The following CCSER1 variants were observed in gnomAD, a reference collection of about 807,000 sequenced individuals.
CCSER1 encodes the protein serine-rich coiled-coil domain-containing protein 1.
CCSER1 carries 41 observed loss-of-function variants against 82.0 expected under a neutral mutation model. The ratio of observed to expected loss-of-function variants is 0.50; its 90% confidence interval spans 0.39 to 0.65. The LOEUF is 0.65. Among genes scored for constraint, CCSER1 ranks in the 30% least tolerant of loss-of-function variants. The probability of loss-of-function intolerance (pLI) is 0.00; values close to 1 mark genes in which losing one functional copy is unlikely to be tolerated. For synonymous variants in CCSER1, 414 were observed against 383.9 expected (o/e 1.08, Z -0.92); for missense variants, 1,119 against 1,064.2 (o/e 1.05, Z -0.72).
At chr4:91,029,268 T>A (rs183824556) in intron 9 of CCSER1, among the ~76,000 whole-genome samples, 1 of 147,684 alleles carries the variant, frequency 6.8e-6, no homozygotes, top group African/African-American at 2.6e-5. Context: ...GTACTTATCG[T>A]TCGGTTTTTT....
chr4:90,433,011 T>G (rs191627682), intron 4 of CCSER1, among the ~76,000 whole-genome samples: 1 of 152,226 alleles, frequency 6.6e-6, no homozygotes, highest in East Asian at 1.9e-4. Flanking sequence ...TTTGATAGTT[T>G]CATCAAATCT....
chr4:91,445,372 A>G (rs1317112124), intron 10 of CCSER1, among the ~76,000 whole-genome samples: 1 of 150,256 alleles, frequency 6.7e-6, no homozygotes, highest in Non-Finnish European at 1.5e-5. Flanking sequence ...GGCCAACTAT[A>G]GTAAGAAATA....
At chr4:91,302,011 A>C (rs761916547) in intron 10 of CCSER1, among the ~76,000 whole-genome samples, 3 of 135,534 alleles carry the variant, frequency 2.2e-5, no homozygotes, top group African/African-American at 8.3e-5. Context: ...TCCCTTGTTT[A>C]TTTCTTTCTT....
chr4:90,280,545 G>A lies in CCSER1; in HGVS notation c.-41-27699G>A, dbSNP rs575356639. Among the ~76,000 whole-genome samples the A allele has an allele frequency of 5.3e-5, 8 of 151,942 alleles. No homozygotes were observed. In the East Asian group the frequency reaches 1.4e-3, roughly 26 times the overall value. ...TGACAAATGGATCCCCAATAAATAG[G>A]CCTCTATTTTAATAATTAAATTGTA... On this transcript the variant is annotated intron_variant, in intron 1 of 10. Coordinates refer to ENST00000509176, the MANE Select transcript of CCSER1 (RefSeq NM_001145065.2).
rs568133530 is a variant in CCSER1, at chr4:91,578,918, A to T, written c.2218-19654A>T. On this transcript the variant is annotated intron_variant, in intron 10 of 10. Transcript: ENST00000509176. ...TATATGTGTGTATGTCTATTTGTCT[A>T]TTCATCCATCCATATCTGCTTGATT... is the stretch of plus-strand genomic sequence containing the variant. Among the ~76,000 whole-genome samples the T allele has an allele frequency of 2.0e-5, 3 of 151,796 alleles. No individual in the cohort carries two copies. The Admixed American group carries it at 2.0e-4, about 10-fold the overall frequency.
At chr4:91,225,470 T>A (rs1021739352) in intron 10 of CCSER1, among the ~76,000 whole-genome samples, 1 of 148,086 alleles carries the variant, frequency 6.8e-6, no homozygotes, top group South Asian at 2.1e-4. Flanking sequence ...TCAGGTGTAA[T>A]TATGATGGAT....
intron 3 of CCSER1, among the ~76,000 whole-genome samples, chr4:90,337,088 C>G (rs75092789): frequency 6.6e-6 from 1 of 152,188 alleles, no homozygotes; most frequent in Non-Finnish European, 1.5e-5. Context: ...TCTGGCTCTT[C>G]CCATGTACCA....
At position 91,173,455 on chromosome 4, in the gene CCSER1, G is replaced by A. The variant is rs571944049; in HGVS notation, c.2217+87461G>A. ...TGAAAATACAAAAAATTAGCTGGGC[G>A]TGGTGGCATGCGCCTATAGCCCCAG... is the stretch of plus-strand genomic sequence containing the variant. On this transcript the variant is annotated intron_variant, in intron 10 of 10. Coordinates refer to ENST00000509176, the MANE Select transcript of CCSER1 (RefSeq NM_001145065.2). Among the ~76,000 whole-genome samples, 377 of 152,062 alleles carry A rather than the reference G, an allele frequency of 2.5e-3. 1 individual carries two copies. The highest frequency in any genetic ancestry group is 3.9e-3 in the Non-Finnish European group (268 of 68,034).
chr4:91,534,358 A>G (rs1761192706), intron 10 of CCSER1, among the ~76,000 whole-genome samples: 1 of 151,948 alleles, frequency 6.6e-6, no homozygotes, highest in South Asian at 2.1e-4. Context: ...TTAAGTATGT[A>G]TCTAAATTTA....
At chr4:90,152,027 G>T (rs1424155062) in intron 1 of CCSER1, among the ~76,000 whole-genome samples, 1 of 152,114 alleles carries the variant, frequency 6.6e-6, no homozygotes, top group African/African-American at 2.4e-5. Context: ...ATTAGAATTT[G>T]GTCCTTAAGT....
chr4:90,894,765 T>A (rs1432507707), intron 8 of CCSER1, among the ~76,000 whole-genome samples: 2 of 152,014 alleles, frequency 1.3e-5, no homozygotes, highest in African/African-American at 4.8e-5. Flanking sequence ...ATGGTTCTAC[T>A]CATCATTCAC....
chr4:90,933,498 T>TTTTTTTAA (rs1335748878), intron 9 of CCSER1, among the ~76,000 whole-genome samples: 358 of 152,148 alleles, frequency 2.4e-3, no homozygotes, highest in African/African-American at 7.8e-3. Context: ...AAGTGTTTTT[T>TTTTTTTAA]TTTTTTAATT....
intron 6 of CCSER1, among the ~76,000 whole-genome samples, chr4:90,698,562 T>C (rs550793117): frequency 6.6e-6 from 1 of 152,314 alleles, no homozygotes; most frequent in African/African-American, 2.4e-5. Flanking sequence ...CTCTAGAAAG[T>C]GAATTGTTAA....
At chr4:91,470,177 T>C (rs774082559) in intron 10 of CCSER1, among the ~76,000 whole-genome samples, 2 of 152,206 alleles carry the variant, frequency 1.3e-5, no homozygotes, top group Non-Finnish European at 2.9e-5. Context: ...CTGAATGTTG[T>C]TAAACTGAAT....
At chr4:90,644,882 G>A (rs2149004307) in intron 6 of CCSER1, among the ~76,000 whole-genome samples, 1 of 151,774 alleles carries the variant, frequency 6.6e-6, no homozygotes, top group South Asian at 2.1e-4. Flanking sequence ...AGGAGTTCAA[G>A]ACCAGCCTGA....
At chr4:91,320,592 TCAAA>T (rs1236001099) in intron 10 of CCSER1, among the ~76,000 whole-genome samples, 1 of 152,070 alleles carries the variant, frequency 6.6e-6, no homozygotes, top group Non-Finnish European at 1.5e-5. Context: ...TCATTTCCTT[TCAAA>T]CAGTTTGTTG....
At chr4:90,208,481 T>C (rs768252047) in intron 1 of CCSER1, among the ~76,000 whole-genome samples, 5 of 151,328 alleles carry the variant, frequency 3.3e-5, no homozygotes, top group Non-Finnish European at 7.4e-5. Flanking sequence ...CTTGGCTCCC[T>C]GGCTTCAGCC....
At chr4:90,659,109 C>T (rs1353502911) in intron 6 of CCSER1, among the ~76,000 whole-genome samples, 1 of 145,562 alleles carries the variant, frequency 6.9e-6, no homozygotes, top group Non-Finnish European at 1.5e-5. Context: ...TGAGAACTGC[C>T]CTTAATAATG....
At chr4:91,218,694 G>A (rs535613634) in intron 10 of CCSER1, among the ~76,000 whole-genome samples, 1 of 152,270 alleles carries the variant, frequency 6.6e-6, no homozygotes, top group South Asian at 2.1e-4. Flanking sequence ...TGAAGACAGA[G>A]CCCTTCTCTT....
Sources: allele counts gnomAD v4.1 joint callset (sites outside exome capture counted in the v4.1 genomes callset), GRCh38; gene constraint gnomAD v4.1.1; transcripts MANE v1.5; gene names NCBI Gene and HGNC (gene_info 2026-07-23, HGNC 2026-07-21).